Variants in GRAMD1B observed in about 807,000 individuals in gnomAD.
GRAMD1B encodes protein Aster-B.
Under a neutral mutation model 99.7 loss-of-function variants are expected in GRAMD1B, and 37 were observed. The observed-to-expected ratio is 0.37, with a 90% CI of 0.29 to 0.49. The LOEUF (loss-of-function observed/expected upper bound fraction) is 0.49, where lower values mean the gene tolerates loss of function less well. Ranked by LOEUF, GRAMD1B falls within the 20% of genes least tolerant of loss-of-function variation. GRAMD1B has a pLI of 0.98. For missense variants in GRAMD1B, 888 were observed against 1,009.2 expected, an observed-to-expected ratio of 0.88 and a Z score of 1.63; for synonymous variants, 427 against 387.6, an observed-to-expected ratio of 1.10 and a Z score of -1.19.
intron 4 of GRAMD1B, among the ~76,000 whole-genome samples, chr11:123,593,285 C>T (rs1297095850): frequency 6.6e-6 from 1 of 152,130 alleles, no homozygotes; most frequent in East Asian, 1.9e-4. Context: ...CCTCAAAGGG[C>T]AGGATTTCTG....
chr11:123,527,348 C>T (rs1049346630), intron 2 of GRAMD1B, among the ~76,000 whole-genome samples: 1 of 152,216 alleles, frequency 6.6e-6, no homozygotes, highest in Non-Finnish European at 1.5e-5. Flanking sequence ...TAGTCCAGCC[C>T]TCCTCCTGTA....
At chr11:123,513,582 C>CT (rs1384290505) in intron 2 of GRAMD1B, among the ~76,000 whole-genome samples, 8 of 64,076 alleles carry the variant, frequency 1.2e-4, no homozygotes, top group Admixed American at 3.6e-4. Context: ...CCTTCCTTTC[C>CT]TTCCTTCCTT....
At chr11:123,526,233 C>T (rs928418168) in intron 2 of GRAMD1B, 3 of 1,424,472 alleles carry the variant, frequency 2.1e-6, no homozygotes, top group Admixed American at 1.8e-5. Flanking sequence ...GTGCTCGCCC[C>T]AGCACCCTCA....
intron 2 of GRAMD1B, among the ~76,000 whole-genome samples, chr11:123,483,924 T>A (rs2134890103): frequency 6.6e-6 from 1 of 152,300 alleles, no homozygotes; most frequent in East Asian, 1.9e-4. Context: ...GTTCAGCTTA[T>A]CAATTTAGAC....
chr11:123,532,950 T>C (rs1943551099), intron 2 of GRAMD1B, among the ~76,000 whole-genome samples: 1 of 152,248 alleles, frequency 6.6e-6, no homozygotes, highest in Admixed American at 6.5e-5. Context: ...CAAATAGAGA[T>C]ACTTCTCAAG....
intron 2 of GRAMD1B, among the ~76,000 whole-genome samples, chr11:123,502,930 TGTAGA>T (rs1423631778): frequency 6.6e-6 from 1 of 152,222 alleles, no homozygotes; most frequent in Admixed American, 6.5e-5. Context: ...TACAGTTGAC[TGTAGA>T]GTATTGGTTG....
At chr11:123,598,335 T>C in intron 7 of GRAMD1B, 1 of 1,189,488 alleles carries the variant, frequency 8.4e-7, no homozygotes, top group Non-Finnish European at 1.3e-6. Context: ...GATCTCGTTC[T>C]CTTCATCTTC....
chr11:123,498,688 G>A (rs1395326549), intron 2 of GRAMD1B, among the ~76,000 whole-genome samples: 1 of 152,126 alleles, frequency 6.6e-6, no homozygotes, highest in Non-Finnish European at 1.5e-5. Flanking sequence ...TTGATTATGA[G>A]TGTCCCGCTG....
At chr11:123,502,430 C>T (rs182787081) in intron 2 of GRAMD1B, among the ~76,000 whole-genome samples, 201 of 152,226 alleles carry the variant, frequency 1.3e-3, no homozygotes, top group Non-Finnish European at 2.3e-3. Context: ...CCCATTAATC[C>T]GGTGGCTTCT....
chr11:123,574,646 C>A (rs1409411791), intron 2 of GRAMD1B, among the ~76,000 whole-genome samples: 3 of 152,100 alleles, frequency 2.0e-5, no homozygotes, highest in Non-Finnish European at 2.9e-5. Context: ...TGAGAATGGG[C>A]AGTCGTGGGA....
intron 2 of GRAMD1B, among the ~76,000 whole-genome samples, chr11:123,555,600 C>T (rs1946106279): frequency 6.6e-6 from 1 of 152,124 alleles, no homozygotes; most frequent in South Asian, 2.1e-4. Context: ...GCACCTGCCT[C>T]AGCCTTCCAA....
chr11:123,487,865 C>T (rs1384708102), intron 2 of GRAMD1B, among the ~76,000 whole-genome samples: 1 of 152,174 alleles, frequency 6.6e-6, no homozygotes. Context: ...CTTCGGCCTC[C>T]CCAAGTTCTG....
At chr11:123,364,546 A>T (rs1316354463) in intron 1 of GRAMD1B, among the ~76,000 whole-genome samples, 1 of 152,244 alleles carries the variant, frequency 6.6e-6, no homozygotes, top group Admixed American at 6.5e-5. Context: ...TATCTGATTA[A>T]GACAGTTCAT....
At chr11:123,371,468 T>C (rs1328898274) in intron 1 of GRAMD1B, among the ~76,000 whole-genome samples, 3 of 152,212 alleles carry the variant, frequency 2.0e-5, no homozygotes, top group African/African-American at 7.2e-5. Context: ...TATGTCACAA[T>C]GCCTTACAAT....
intron 1 of GRAMD1B, among the ~76,000 whole-genome samples, chr11:123,452,426 G>A (rs973523266): frequency 6.6e-5 from 10 of 152,020 alleles, no homozygotes; most frequent in Admixed American, 1.3e-4. Context: ...CAGGTGGATC[G>A]CCTGAGGTCA....
intron 1 of GRAMD1B, among the ~76,000 whole-genome samples, chr11:123,359,532 A>G (rs775459490): frequency 6.6e-6 from 1 of 152,050 alleles, no homozygotes; most frequent in African/African-American, 2.4e-5. Context: ...TGCCTGGATA[A>G]ACTTCATTCC....
intron 1 of GRAMD1B, among the ~76,000 whole-genome samples, chr11:123,465,254 A>C (rs1950606371): frequency 6.6e-6 from 1 of 152,180 alleles, no homozygotes; most frequent in South Asian, 2.1e-4. Flanking sequence ...AGCGGTATGT[A>C]TGTTGAAAGC....
At chr11:123,576,608 G>T (rs1360569762) in intron 2 of GRAMD1B, among the ~76,000 whole-genome samples, 7 of 152,198 alleles carry the variant, frequency 4.6e-5, no homozygotes, top group Non-Finnish European at 8.8e-5. Flanking sequence ...GAAGTACAAG[G>T]TACTTATTGG....
At chr11:123,513,611 T>C (rs866401489) in intron 2 of GRAMD1B, among the ~76,000 whole-genome samples, 2 of 123,174 alleles carry the variant, frequency 1.6e-5, no homozygotes, top group African/African-American at 6.6e-5. Context: ...CCTTCCTTCC[T>C]TCCTTCCTTT....
Sources: allele counts gnomAD v4.1 joint callset (sites outside exome capture counted in the v4.1 genomes callset), GRCh38; gene constraint gnomAD v4.1.1; transcripts MANE v1.5; gene names NCBI Gene and HGNC (gene_info 2026-07-23, HGNC 2026-07-21).